SCYL2: variants seen among roughly 807,000 people sequenced by gnomAD.
The protein encoded by SCYL2 is SCY1 like pseudokinase 2.
Under a neutral mutation model 100.4 loss-of-function variants are expected in SCYL2, and 36 were observed. The observed-to-expected ratio is 0.36, with a 90% CI of 0.27 to 0.47. SCYL2 has a LOEUF of 0.47. Ranked by LOEUF, SCYL2 falls within the 20% of genes least tolerant of loss-of-function variation. The pLI is 1.00. For synonymous variants in SCYL2, 330 were observed against 359.2 expected (o/e 0.92, Z 0.92); for missense variants, 902 against 1,083.9 (o/e 0.83, Z 2.36).
intron 3 of SCYL2, among the ~76,000 whole-genome samples, chr12:100,295,364 T>A (rs529357171): frequency 3.3e-5 from 5 of 152,246 alleles, no homozygotes; most frequent in Admixed American, 3.3e-4. Flanking sequence ...AGGTAGAGGT[T>A]GTAGCGAGCC....
In SCYL2 at chr12:100,283,051, T is replaced by C; in HGVS notation, c.81T>C (p.Pro27=). Residue 27 remains proline (P), a synonymous_variant, in exon 2 of 18, where the codon CCT becomes CCC. Transcript: ENST00000360820. ...ADVTSAVMGN[P]VTREFDVGRH... ...TCACTAGTGCTGTAATGGGAAATCC[T>C]GTCACTAGAGAATTTGATGTTGGTC... is the stretch of plus-strand genomic sequence containing the variant. The C allele has an allele frequency of 1.2e-6, 2 of 1,613,438 alleles. No individual in the cohort carries two copies. Among genetic ancestry groups the C allele is most frequent in the Non-Finnish European group, 1.7e-6 (2 of 1,179,532 alleles).
rs1309487512 is a variant in SCYL2, at chr12:100,298,119, C to T, written c.424C>T (p.Pro142Ser). Residue 142 changes from proline to serine, a missense_variant, in exon 4 of 18, where the codon CCA becomes TCA. Coordinates refer to ENST00000360820, the MANE Select transcript of SCYL2 (RefSeq NM_017988.6). ...NWENLPSPIS[P>S]DIKDYKLYDV... The stretch of plus-strand genomic sequence containing the variant: ...GGAAAATCTACCTTCCCCTATATCT[C>T]CAGACATTAAGGATTATAAACTTTA... The T allele has an allele frequency of 1.2e-6, 2 of 1,605,218 alleles. No homozygotes were observed. The highest frequency in any genetic ancestry group is 1.7e-6 in the Non-Finnish European group (2 of 1,173,910).
rs148569502 is a variant in SCYL2, at chr12:100,335,831, C to T, written c.1950C>T (p.Asn650=). ...TTCAGCAAATTGACAAAGTTTTTAA[C>T]AACATTGGAGCAGACCTTCTGACTG... ...IGNQQIDKVF[N]NIGADLLTGS... The change falls in exon 16 of 18, where the codon AAC becomes AAT. Residue 650 remains asparagine, a synonymous_variant. Coordinates refer to ENST00000360820, the MANE Select transcript of SCYL2 (RefSeq NM_017988.6). The T allele has an allele frequency of 1.3e-5, 21 of 1,612,838 alleles. No individual in the cohort carries two copies. The highest frequency in any genetic ancestry group is 4.0e-5 in the African/African-American group (3 of 74,844).
intron 1 of SCYL2, among the ~76,000 whole-genome samples, chr12:100,275,751 T>C (rs1201910589): frequency 6.6e-6 from 1 of 152,250 alleles, no homozygotes; most frequent in Admixed American, 6.5e-5. Flanking sequence ...ACTTACCTTG[T>C]TCTGAAACTT....
intron 4 of SCYL2, among the ~76,000 whole-genome samples, chr12:100,310,072 C>G (rs1252054084): frequency 6.6e-6 from 1 of 151,966 alleles, no homozygotes; most frequent in South Asian, 2.1e-4. Flanking sequence ...AATCTCAGCT[C>G]ACTACAACCA....
intron 1 of SCYL2, among the ~76,000 whole-genome samples, chr12:100,279,319 T>C (rs1423291977): frequency 6.6e-6 from 1 of 152,246 alleles, no homozygotes; most frequent in Non-Finnish European, 1.5e-5. Context: ...GCCACCTATC[T>C]GAGAGGAGGC....
At chr12:100,321,570 CT>C (rs1244951283) in intron 10 of SCYL2, among the ~76,000 whole-genome samples, 2 of 152,130 alleles carry the variant, frequency 1.3e-5, no homozygotes, top group African/African-American at 2.4e-5. Context: ...TGTTTTAAAT[CT>C]TTTTTTCCCC....
At chr12:100,273,826 C>G (rs892892522) in intron 1 of SCYL2, among the ~76,000 whole-genome samples, 1 of 152,186 alleles carries the variant, frequency 6.6e-6, no homozygotes, top group African/African-American at 2.4e-5. Context: ...CTTTGGAGGA[C>G]TGAGTCTGCT....
At chr12:100,313,561 C>G in intron 7 of SCYL2, 23 bp downstream of exon 7, 7 of 1,303,906 alleles carry the variant, frequency 5.4e-6, no homozygotes, top group Non-Finnish European at 7.6e-6. Flanking sequence ...GGATTTCTGC[C>G]TAAGATGGAG....
chr12:100,321,105 T>C (rs1363492469), intron 10 of SCYL2, among the ~76,000 whole-genome samples: 1 of 152,180 alleles, frequency 6.6e-6, no homozygotes, highest in Non-Finnish European at 1.5e-5. Context: ...GCCTGGCTCA[T>C]TTTTAAATTT....
chr12:100,321,533 C>T (rs538078451), intron 10 of SCYL2, among the ~76,000 whole-genome samples: 1 of 152,350 alleles, frequency 6.6e-6, no homozygotes, highest in East Asian at 1.9e-4. Flanking sequence ...ATCATTTCTA[C>T]TATGGCACCA....
At chr12:100,294,152 G>C (rs1308447258) in intron 3 of SCYL2, among the ~76,000 whole-genome samples, 1 of 139,098 alleles carries the variant, frequency 7.2e-6, no homozygotes, top group African/African-American at 2.6e-5. Context: ...CTGGCCGGGC[G>C]GGGGGCTGAC....
chr12:100,297,901 T>A, intron 3 of SCYL2, 130 bp from the exon 4 acceptor site: 1 of 757,984 alleles, frequency 1.3e-6, no homozygotes, highest in South Asian at 1.9e-5. Context: ...ATGTCTATGC[T>A]GAAATTAACA....
intron 1 of SCYL2, among the ~76,000 whole-genome samples, chr12:100,268,243 A>G (rs1247414905): frequency 6.6e-6 from 1 of 152,232 alleles, no homozygotes; most frequent in African/African-American, 2.4e-5. Flanking sequence ...AACATTGGAT[A>G]CTATGAGTGA....
intron 2 of SCYL2, among the ~76,000 whole-genome samples, chr12:100,285,290 T>C (rs2096303287): frequency 6.6e-6 from 1 of 152,244 alleles, no homozygotes; most frequent in African/African-American, 2.4e-5. Flanking sequence ...TTTAAATGCA[T>C]TTGTATATAC....
At chr12:100,337,755 G>T (rs1952297943) in intron 17 of SCYL2, among the ~76,000 whole-genome samples, 1 of 152,196 alleles carries the variant, frequency 6.6e-6, no homozygotes, top group Admixed American at 6.5e-5. Flanking sequence ...TCTTAAAAGA[G>T]ATTAGGACTC....
chr12:100,298,698 C>T (rs1182532825), intron 4 of SCYL2, among the ~76,000 whole-genome samples: 3 of 152,112 alleles, frequency 2.0e-5, no homozygotes, highest in Admixed American at 2.0e-4. Flanking sequence ...ATTCTCCTGC[C>T]TCAGCCTCCC....
Position 100,321,919 on chromosome 12 carries a change from G to A in SCYL2, c.1396-1606G>A, listed in dbSNP as rs543269996. The stretch of plus-strand genomic sequence containing the variant: ...GATAAAATTAACCAGGCATGGCAGT[G>A]CATGCCTGTAGTGCCAGCTACTTGG... On this transcript the variant is annotated intron_variant, in intron 10 of 17. Transcript: ENST00000360820. Among the ~76,000 whole-genome samples the A allele has an allele frequency of 6.6e-4, 100 of 151,948 alleles. 1 individual carries two copies. The highest frequency in any genetic ancestry group is 2.4e-3 in the African/African-American group (98 of 41,432).
chr12:100,273,693 A>G (rs2096289805), intron 1 of SCYL2, among the ~76,000 whole-genome samples: 1 of 152,106 alleles, frequency 6.6e-6, no homozygotes, highest in African/African-American at 2.4e-5. Context: ...TCCCTTACAT[A>G]TCTTGGCACG....
Sources: allele counts gnomAD v4.1 joint callset (sites outside exome capture counted in the v4.1 genomes callset), GRCh38; gene constraint gnomAD v4.1.1; transcripts MANE v1.5; gene names NCBI Gene and HGNC (gene_info 2026-07-23, HGNC 2026-07-21).